The following PCBP3 variants were observed in gnomAD, a reference collection of about 807,000 sequenced individuals.
PCBP3 encodes the protein poly(rC)-binding protein 3.
Under a neutral mutation model 52.7 loss-of-function variants are expected in PCBP3, and 25 were observed. The ratio of observed to expected loss-of-function variants is 0.47; its 90% CI spans 0.35 to 0.66. PCBP3 has a LOEUF of 0.66. PCBP3 is among the 30% of genes least tolerant of loss of function. The pLI, the probability that PCBP3 is intolerant of heterozygous loss-of-function variation, is 0.01. For missense variants in PCBP3, 391 were observed against 490.3 expected (o/e 0.80, Z 1.91); for synonymous variants, 162 against 183.0 (o/e 0.89, Z 0.93).
intron 1 of PCBP3, among the ~76,000 whole-genome samples, chr21:45,659,959 A>G (rs1174724854): frequency 6.6e-6 from 1 of 152,074 alleles, no homozygotes; most frequent in African/African-American, 2.4e-5. Context: ...TGCTAGGTCT[A>G]ATTAGTTTAT....
chr21:45,810,239 TGTGTGTGA>T (rs1246393639), intron 4 of PCBP3, among the ~76,000 whole-genome samples: 27 of 151,594 alleles, frequency 1.8e-4, no homozygotes, highest in African/African-American at 5.8e-4. Context: ...TGTGTGTGTG[TGTGTGTGA>T]GAGAGTGTGT....
intron 9 of PCBP3, 199 bp downstream of exon 9, chr21:45,901,312 C>T: frequency 1.8e-6 from 1 of 553,380 alleles, no homozygotes; most frequent in East Asian, 3.1e-5. Flanking sequence ...AGTGTCTCTC[C>T]ATCCTTCTGA....
intron 4 of PCBP3, among the ~76,000 whole-genome samples, chr21:45,809,602 A>T (rs184712410): frequency 1.7e-3 from 253 of 152,056 alleles, no homozygotes; most frequent in Admixed American, 4.1e-3. Context: ...GCAGGGCTTG[A>T]CTCTCCTAAA....
intron 4 of PCBP3, among the ~76,000 whole-genome samples, chr21:45,839,174 C>T (rs1427666636): frequency 6.6e-6 from 1 of 152,026 alleles, no homozygotes; most frequent in Middle Eastern, 3.2e-3. Context: ...ACATAAACCC[C>T]TCTTTTTACA....
rs529211679 is a variant in PCBP3 at position 45,758,390 on chromosome 21, C to T, written c.-126+2938C>T. 2.0e-5 allele frequency among the ~76,000 whole-genome samples: 3 copies of T among 152,154 alleles called. No individual in the cohort carries two copies. The South Asian group carries it at 6.2e-4, about 32-fold the overall frequency. On this transcript the variant is annotated intron_variant, in intron 4 of 17. Coordinates refer to ENST00000681687, the MANE Select transcript of PCBP3 (RefSeq NM_001384156.1). The stretch of plus-strand genomic sequence containing the variant: ...AGTGATTGCCTTGAATCTGTAGATA[C>T]ATTTGGGGAGTATTGCCATGACAAC...
At chr21:45,803,547 C>T (rs1166317802) in intron 4 of PCBP3, among the ~76,000 whole-genome samples, 1 of 152,126 alleles carries the variant, frequency 6.6e-6, no homozygotes, top group East Asian at 1.9e-4. Flanking sequence ...GGGAAAAAGC[C>T]GTGGTGGTTT....
chr21:45,927,072 C>T (rs952339545), intron 13 of PCBP3, among the ~76,000 whole-genome samples: 1 of 152,080 alleles, frequency 6.6e-6, no homozygotes, highest in African/African-American at 2.4e-5. Flanking sequence ...GTTAGAACCA[C>T]TGTGCTGGGG....
At chr21:45,750,010 T>C (rs2087276243) in intron 3 of PCBP3, 1 of 152,230 alleles carries the variant, frequency 6.6e-6, no homozygotes, top group South Asian at 2.1e-4. Context: ...TTTTAATAAG[T>C]AGATGTTTCC....
intron 2 of PCBP3, among the ~76,000 whole-genome samples, chr21:45,723,244 C>A (rs1355819218): frequency 6.6e-5 from 10 of 152,154 alleles, no homozygotes; most frequent in Admixed American, 6.5e-4. Context: ...CCGTCTGCGG[C>A]CTAGTGGCCT....
rs920644877 is a variant in PCBP3 at position 45,805,522 on chromosome 21, C to T, written c.-125-44439C>T. Reference sequence around the variant, plus strand: ...GTGGGGCCACCTGGGTTGGTGCCAACGAGGTGCTCAGAGGCCTTGTGGGCA... The same window carrying T: ...GTGGGGCCACCTGGGTTGGTGCCAATGAGGTGCTCAGAGGCCTTGTGGGCA... On this transcript the variant is annotated intron_variant, in intron 4 of 17. Transcript: ENST00000681687. The surrounding 1 kb of genome is among the most constrained non-coding windows in gnomAD (Gnocchi z 4.6). Among the ~76,000 whole-genome samples the T allele has an allele frequency of 5.9e-5, 9 of 152,272 alleles. No homozygotes were observed. The highest frequency in any genetic ancestry group is 3.9e-4 in the East Asian group (2 of 5,156).
chr21:45,863,173 C>G (rs1480443956), intron 5 of PCBP3, among the ~76,000 whole-genome samples: 1 of 152,232 alleles, frequency 6.6e-6, no homozygotes, highest in African/African-American at 2.4e-5. Context: ...ATTTCCAGTT[C>G]ATGCTGTTTC....
At chr21:45,875,432 A>G (rs1201579112) in intron 5 of PCBP3, among the ~76,000 whole-genome samples, 1 of 152,210 alleles carries the variant, frequency 6.6e-6, no homozygotes, top group Non-Finnish European at 1.5e-5. Context: ...CCCCTGCACC[A>G]TGGGGATGCA....
chr21:45,789,770 G>C (rs773609732), intron 4 of PCBP3, among the ~76,000 whole-genome samples: 1 of 152,224 alleles, frequency 6.6e-6, no homozygotes, highest in African/African-American at 2.4e-5. Flanking sequence ...GGACATGCCA[G>C]TGCTTCTTGT....
chr21:45,824,983 C>T (rs758805446), intron 4 of PCBP3, among the ~76,000 whole-genome samples: 7 of 152,230 alleles, frequency 4.6e-5, no homozygotes, highest in Admixed American at 3.9e-4. Context: ...TGCCTTCCTC[C>T]TGAGAAAACA....
At chr21:45,774,289 C>A (rs554056263) in intron 4 of PCBP3, among the ~76,000 whole-genome samples, 3 of 151,788 alleles carry the variant, frequency 2.0e-5, no homozygotes, top group African/African-American at 4.8e-5. Flanking sequence ...TGCCTGTAAT[C>A]CCAGCTACTC....
intron 4 of PCBP3, among the ~76,000 whole-genome samples, chr21:45,813,551 C>T (rs943506996): frequency 2.6e-5 from 4 of 152,188 alleles, no homozygotes; most frequent in Non-Finnish European, 5.9e-5. Context: ...AAGCGATTCT[C>T]CTGCCTCAGC....
At chr21:45,929,323 A>G (rs2075871891) in intron 13 of PCBP3, among the ~76,000 whole-genome samples, 1 of 152,270 alleles carries the variant, frequency 6.6e-6, no homozygotes, top group African/African-American at 2.4e-5. Flanking sequence ...AGGAAAGGCA[A>G]GACGCTTCTG....
At chr21:45,798,753 G>A (rs572973970) in intron 4 of PCBP3, among the ~76,000 whole-genome samples, 286 of 145,700 alleles carry the variant, frequency 2.0e-3, no homozygotes, top group African/African-American at 7.0e-3. Context: ...CATAGAGAGA[G>A]TGAATGGATG....
At chr21:45,911,057 C>T (rs779500577) in intron 11 of PCBP3, 27 bp downstream of exon 11, 12 of 1,604,300 alleles carry the variant, frequency 7.5e-6, no homozygotes, top group Non-Finnish European at 8.5e-6. Flanking sequence ...AGGGCCAGCC[C>T]ACGTCAGTGC....
Sources: allele counts gnomAD v4.1 joint callset (sites outside exome capture counted in the v4.1 genomes callset), GRCh38; gene constraint gnomAD v4.1.1; non-coding constraint Gnocchi (gnomAD v3.1); transcripts MANE v1.5; gene names NCBI Gene and HGNC (gene_info 2026-07-23, HGNC 2026-07-21).